BRWD3: variants seen among roughly 807,000 people sequenced by gnomAD.
BRWD3 encodes the protein bromodomain and WD repeat-containing protein 3.
Under a neutral mutation model 149.7 loss-of-function variants are expected in BRWD3, and 10 were observed. That is an observed-to-expected ratio of 0.07 (90% confidence interval 0.04 to 0.11). The LOEUF (loss-of-function observed/expected upper bound fraction) is 0.11. Ranked by LOEUF, BRWD3 falls within the 10% of genes least tolerant of loss-of-function variation. The pLI is 1.00. For missense variants in BRWD3, 940 were observed against 1,373.2 expected, an observed-to-expected ratio of 0.68 and a Z score of 4.99; for synonymous variants, 504 against 456.7, an observed-to-expected ratio of 1.10 and a Z score of -1.32.
Position 80,696,058 on chromosome X carries a change from AG to A in BRWD3, c.3069-69del. On this transcript the variant is annotated intron_variant, in intron 26 of 40. Transcript: ENST00000373275. The stretch of plus-strand genomic sequence containing the variant: ...AACAATATATGTTACTAAATGTCCA[AG>A]GATATATGTTTATTGTAGACCCATT... 7 of 961,784 alleles carry A rather than the reference AG, an allele frequency of 7.3e-6. No individual in the cohort carries two copies. The South Asian group carries it at 1.4e-4, about 20-fold the overall frequency. 79.3% of individuals were successfully genotyped at this position (961,784 alleles called of 1,213,427 possible). A position where few individuals can be genotyped will look rare whatever the true frequency, so the allele number is the denominator to read the frequency against.
Position 80,684,146 on chromosome X carries a change from A to G in BRWD3, c.4097T>C (p.Ile1366Thr), listed in dbSNP as rs2072490581. The stretch of plus-strand genomic sequence containing the variant: ...AGTGCTGAAGTCCACAGGAGTATCT[A>G]TAACATCTTGATAATCCTACAAAGA... ...SSLSEDYQDV[I>T]DTPVDFSTVK... The change falls in exon 37 of 41, where the codon ATA becomes ACA. Residue 1366 changes from isoleucine to threonine, a missense_variant. Transcript: ENST00000373275. 1.7e-5 allele frequency: 21 copies of G among 1,201,595 alleles called. No individual in the cohort carries two copies. The highest frequency in any genetic ancestry group is 2.4e-5 in the Non-Finnish European group (21 of 887,989).
intron 8 of BRWD3, among the ~76,000 whole-genome samples, chrX:80,741,138 CTA>C: frequency 9.1e-6 from 1 of 110,302 alleles, no homozygotes; most frequent in South Asian, 4.0e-4. Flanking sequence ...CAATTCCCAC[CTA>C]TGAGTGAGAA....
chrX:80,809,405 C>T (rs1042138886), intron 1 of BRWD3, 36 bp downstream of exon 1: 4 of 1,103,804 alleles, frequency 3.6e-6, no homozygotes, highest in Non-Finnish European at 4.9e-6. Flanking sequence ...CCCCCATTCC[C>T]TTAGCACCCC....
Position 80,722,722 on chromosome X carries a change from T to G in BRWD3, c.1716A>C (p.Val572=), listed in dbSNP as rs754836438. 24 of 1,209,205 alleles carry G rather than the reference T, an allele frequency of 2.0e-5. No individual in the cohort carries two copies. In the African/African-American group the frequency reaches 4.2e-4, roughly 21 times the overall value. The change falls in exon 17 of 41, where the codon GTA becomes GTC. Residue 572 remains valine, a synonymous_variant. Coordinates refer to ENST00000373275, the MANE Select transcript of BRWD3 (RefSeq NM_153252.5). ...RPLIRDANNY[V]LDEQTQQAPH... ...GAGCTTGTTGGGTTTGTTCATCCAA[T>G]ACATAGTTATTGGCATCACGAATAA...
At chrX:80,771,602 C>A (rs2073944336) in intron 6 of BRWD3, among the ~76,000 whole-genome samples, 1 of 111,191 alleles carries the variant, frequency 9.0e-6, no homozygotes, top group Admixed American at 9.6e-5. Flanking sequence ...GTAACAAAAG[C>A]CAAAATTGAC....
At chrX:80,713,506 A>T (rs1041374914) in intron 20 of BRWD3, among the ~76,000 whole-genome samples, 1 of 109,410 alleles carries the variant, frequency 9.1e-6, no homozygotes, top group Non-Finnish European at 1.9e-5. Context: ...GCTCCTTAAG[A>T]GTCATCACCA....
At chrX:80,726,525 C>A (rs2073251347) in intron 14 of BRWD3, among the ~76,000 whole-genome samples, 1 of 110,382 alleles carries the variant, frequency 9.1e-6, no homozygotes, top group Non-Finnish European at 1.9e-5. Flanking sequence ...GGCTCCAAGC[C>A]TTAGAAAAGC....
In BRWD3 at chrX:80,692,931, C is replaced by T; in HGVS notation, c.3263+9G>A. ...CATATTAGGCATAAAAGATCATAAA[C>T]ATACTTACTGAACACTGTAACACTG... is the stretch of plus-strand genomic sequence containing the variant. On this transcript the variant is annotated intron_variant, in intron 28 of 40. Transcript: ENST00000373275. 8.5e-7 allele frequency: 1 copy of T among 1,179,169 alleles called. No individual in the cohort carries two copies. Among genetic ancestry groups the T allele is most frequent in the Non-Finnish European group, 1.2e-6 (1 of 865,680 alleles).
chrX:80,692,627 A>G (rs1296269634), intron 28 of BRWD3, among the ~76,000 whole-genome samples: 1 of 112,361 alleles, frequency 8.9e-6, no homozygotes, highest in East Asian at 2.8e-4. Context: ...ATTAGTTTCC[A>G]TATTTCCCAT....
At chrX:80,714,288 C>T (rs1239801839) in intron 20 of BRWD3, among the ~76,000 whole-genome samples, 1 of 90,887 alleles carries the variant, frequency 1.1e-5, no homozygotes, top group Non-Finnish European at 2.1e-5. Flanking sequence ...AATGCAATGG[C>T]GTGATATGGG....
At chrX:80,765,171 C>T (rs1462522688) in intron 6 of BRWD3, among the ~76,000 whole-genome samples, 1 of 111,581 alleles carries the variant, frequency 9.0e-6, no homozygotes, top group Non-Finnish European at 1.9e-5. Context: ...GGAGACACAA[C>T]AATAATTCTA....
chrX:80,681,959 C>T (rs754741013), intron 39 of BRWD3, 38 bp downstream of exon 39: 2 of 1,062,701 alleles, frequency 1.9e-6, no homozygotes, highest in Non-Finnish European at 2.6e-6. Flanking sequence ...CAGAATTAAA[C>T]CGAGATGCAG....
intron 20 of BRWD3, chrX:80,710,027 C>G: frequency 8.7e-7 from 1 of 1,146,003 alleles, no homozygotes; most frequent in Non-Finnish European, 1.2e-6. Context: ...CACAGTTGGT[C>G]TGAAATCAAA....
intron 17 of BRWD3, among the ~76,000 whole-genome samples, chrX:80,719,942 CGACGGTA>C (rs1407138419): frequency 2.5e-4 from 28 of 111,119 alleles, no homozygotes; most frequent in African/African-American, 9.2e-4. Flanking sequence ...ACCACATATA[CGACGGTA>C]GTCTCATAAG....
At chrX:80,760,744 C>T (rs185509395) in intron 6 of BRWD3, among the ~76,000 whole-genome samples, 3 of 111,879 alleles carry the variant, frequency 2.7e-5, no homozygotes, top group Non-Finnish European at 3.8e-5. Flanking sequence ...TCTTTTCTTA[C>T]TTTCTTTCTT....
intron 40 of BRWD3, among the ~76,000 whole-genome samples, chrX:80,680,911 G>T (rs914615178): frequency 9.3e-6 from 1 of 107,160 alleles, no homozygotes; most frequent in Non-Finnish European, 1.9e-5. Context: ...TGGCTAAAGC[G>T]CTCCTCCCAC....
In BRWD3 at chrX:80,809,571, C is replaced by T; in HGVS notation, c.-100G>A. 2.0e-6 allele frequency: 1 copy of T among 502,100 alleles called. No individual in the cohort carries two copies. The highest frequency in any genetic ancestry group is 3.4e-6 in the Non-Finnish European group (1 of 297,232). 41.4% of individuals were successfully genotyped at this position (502,100 alleles called of 1,213,427 possible). A position where few individuals can be genotyped will look rare whatever the true frequency, so the allele number is the denominator to read the frequency against. On this transcript the variant is annotated 5_prime_UTR_variant, in exon 1 of 41. Coordinates refer to ENST00000373275, the MANE Select transcript of BRWD3 (RefSeq NM_153252.5). ...TGGTGAAGCCCCCATGCCCGGGAGT[C>T]CCGCCGCTTCCGCCGCACTCCTCGT... is the stretch of plus-strand genomic sequence containing the variant.
In BRWD3 at chrX:80,722,764, G is replaced by A. The variant is rs772111533; in HGVS notation, c.1674C>T (p.His558=). 2 of 1,209,231 alleles carry A rather than the reference G, an allele frequency of 1.7e-6. No individual in the cohort carries two copies. Among genetic ancestry groups the A allele is most frequent in the Admixed American group, 4.3e-5 (2 of 46,042 alleles). Residue 558 remains histidine (H), a synonymous_variant, in exon 17 of 41, where the codon CAC becomes CAT. Coordinates refer to ENST00000373275, the MANE Select transcript of BRWD3 (RefSeq NM_153252.5). ...CACGAATAAGAGGACGATAATCCGTGTGGAAGAACATCTGATCTGGAATCT... is the reference window on the plus strand; with the variant it reads ...CACGAATAAGAGGACGATAATCCGTATGGAAGAACATCTGATCTGGAATCT... ...YEKIPDQMFF[H]TDYRPLIRDA...
In BRWD3 at chrX:80,707,366, A is replaced by T. The variant is rs191063832; in HGVS notation, c.2552+61T>A. The T allele has an allele frequency of 4.1e-5, 41 of 1,008,703 alleles. No individual in the cohort carries two copies. In the African/African-American group the frequency reaches 7.0e-4, roughly 17 times the overall value. The allele number at this position is 1,008,703 out of a possible 1,213,427, so 83.1% of individuals were successfully genotyped here. On this transcript the variant is annotated intron_variant, in intron 22 of 40. Coordinates refer to ENST00000373275, the MANE Select transcript of BRWD3 (RefSeq NM_153252.5). ...TCTGGTTTTACCAATTTCCTACGAGAACATAATTTCGTATTAAAACTGTTC... is the reference window on the plus strand; with the variant it reads ...TCTGGTTTTACCAATTTCCTACGAGTACATAATTTCGTATTAAAACTGTTC...
Sources: allele counts gnomAD v4.1 joint callset (sites outside exome capture counted in the v4.1 genomes callset), GRCh38; gene constraint gnomAD v4.1.1; transcripts MANE v1.5; gene names NCBI Gene and HGNC (gene_info 2026-07-23, HGNC 2026-07-21).